The following TARS1 variants were observed in gnomAD, a reference collection of about 807,000 sequenced individuals.
The protein encoded by TARS1 is threonyl-tRNA synthetase 1.
In TARS1, 57 loss-of-function variants were observed where a neutral mutation model predicts 97.7. That is an observed-to-expected ratio of 0.58 (90% CI 0.47 to 0.73). TARS1 has a LOEUF of 0.73. TARS1 is among the 30% of genes least tolerant of loss of function. The pLI, the probability that TARS1 is intolerant of heterozygous loss-of-function variation, is 0.00. For missense variants in TARS1, 806 were observed against 888.3 expected (o/e 0.91, Z 1.18); for synonymous variants, 312 against 293.7 (o/e 1.06, Z -0.64).
chr5:33,449,060 AAATG>A (rs1243761030), intron 3 of TARS1, among the ~76,000 whole-genome samples: 1 of 152,188 alleles, frequency 6.6e-6, no homozygotes, highest in Non-Finnish European at 1.5e-5. Context: ...TTGAAGTTAA[AAATG>A]AAGCTACATA....
Position 33,468,006 on chromosome 5 carries a change from A to G in TARS1, c.*298A>G, listed in dbSNP as rs1194784287. 1 of 248,514 alleles carries G rather than the reference A, an allele frequency of 4.0e-6. No individual in the cohort carries two copies. The highest frequency in any genetic ancestry group is 5.4e-5 in the Admixed American group (1 of 18,650). The allele number at this position is 248,514 out of a possible 1,614,324, so 15.4% of individuals were successfully genotyped here. ...GTGGGAGAACTTTTTTGTAAATTTA[A>G]TGCAATTGAAAAAGTTTTCAAATTC... On this transcript the variant is annotated 3_prime_UTR_variant, in exon 19 of 19. Coordinates refer to ENST00000265112, the MANE Select transcript of TARS1 (RefSeq NM_152295.5).
chr5:33,461,540 G>T (rs925955494), intron 13 of TARS1, 127 bp from the exon 14 acceptor site: 37 of 1,075,350 alleles, frequency 3.4e-5, no homozygotes, highest in Non-Finnish European at 5.0e-5. Context: ...ATATGTTCAG[G>T]TGGACAAAAT....
intron 11 of TARS1, among the ~76,000 whole-genome samples, chr5:33,460,172 A>G (rs995557385): frequency 2.6e-5 from 4 of 151,966 alleles, no homozygotes; most frequent in African/African-American, 9.7e-5. Flanking sequence ...AGGTCTTGCC[A>G]CGTTGCTCAG....
At chr5:33,447,387 C>T (rs1741473822) in intron 2 of TARS1, among the ~76,000 whole-genome samples, 1 of 152,122 alleles carries the variant, frequency 6.6e-6, no homozygotes, top group South Asian at 2.1e-4. Flanking sequence ...GCTGGGACTA[C>T]AGGTGTGCGC....
chr5:33,459,418 TA>T (rs1742184972), intron 10 of TARS1, among the ~76,000 whole-genome samples: 1 of 152,216 alleles, frequency 6.6e-6, no homozygotes, highest in South Asian at 2.1e-4. Flanking sequence ...TTTTGTTATA[TA>T]ACTACCACAA....
In TARS1 at chr5:33,461,211, A is replaced by G; in HGVS notation, c.1467A>G (p.Val489=). The G allele has an allele frequency of 6.2e-7, 1 of 1,614,044 alleles. No individual in the cohort carries two copies. The highest frequency in any genetic ancestry group is 8.5e-7 in the Non-Finnish European group (1 of 1,179,978). The change falls in exon 13 of 19, where the codon GTA becomes GTG. Residue 489 remains valine, a synonymous_variant. Transcript: ENST00000265112. Reference sequence around the variant, plus strand: ...ATTTTCTACGTACGGTATATAGCGTATTTGGATTTTCTTTTAAACTAAACC... The same window carrying G: ...ATTTTCTACGTACGGTATATAGCGTGTTTGGATTTTCTTTTAAACTAAACC... ...CLDFLRTVYS[V]FGFSFKLNLS...
In TARS1 at chr5:33,455,636, A is replaced by C; in HGVS notation, c.625A>C (p.Ile209Leu). Reference sequence around the variant, plus strand: ...TTCTCTGGAGGCTTTGTGTAAGAAAATCATTAAAGAAAAACAAGCTTTTGA... The same window carrying C: ...TTCTCTGGAGGCTTTGTGTAAGAAACTCATTAAAGAAAAACAAGCTTTTGA... ...FSSLEALCKK[I>L]IKEKQAFERL... is the part of the protein sequence containing the mutation. The change falls in exon 6 of 19, where the codon ATC becomes CTC. Residue 209 changes from isoleucine (I) to leucine (L), a missense_variant. Coordinates refer to ENST00000265112, the MANE Select transcript of TARS1 (RefSeq NM_152295.5). 1 of 1,613,162 alleles carries C rather than the reference A, an allele frequency of 6.2e-7. No homozygotes were observed. Among genetic ancestry groups the C allele is most frequent in the Non-Finnish European group, 8.5e-7 (1 of 1,179,374 alleles).
chr5:33,456,230 A>G lies in TARS1; in HGVS notation c.837+3A>G, dbSNP rs1742013212. 1.9e-6 allele frequency: 3 copies of G among 1,605,784 alleles called. No individual in the cohort carries two copies. Among genetic ancestry groups the G allele is most frequent in the Non-Finnish European group, 2.6e-6 (3 of 1,172,870 alleles). ...TTAAGGCTTTAAAAATACACAAAGT[A>G]AGTAATGTAACTTTAAAGACTGTGA... On this transcript the variant is annotated splice_donor_region_variant and intron_variant, in intron 8 of 18. Transcript: ENST00000265112.
chr5:33,441,211 G>A, intron 1 of TARS1, 68 bp downstream of exon 1: 4 of 1,590,744 alleles, frequency 2.5e-6, no homozygotes, highest in Non-Finnish European at 3.4e-6. Context: ...TACGCTCGCG[G>A]CGGGAGCGGG....
At chr5:33,445,481 G>A in intron 2 of TARS1, 77 bp downstream of exon 2, 1 of 1,245,634 alleles carries the variant, frequency 8.0e-7, no homozygotes, top group Non-Finnish European at 1.2e-6. Flanking sequence ...CTTTCCTAAT[G>A]TGTAAGGGTT....
chr5:33,462,230 C>G (rs1742329249), intron 16 of TARS1, 27 bp downstream of exon 16: 2 of 1,580,456 alleles, frequency 1.3e-6, no homozygotes, highest in African/African-American at 1.4e-5. Context: ...TCTTTTTTTT[C>G]TGATTAGTAT....
At chr5:33,458,443 G>T (rs934233188) in intron 9 of TARS1, 123 bp from the exon 10 acceptor site, 14 of 671,556 alleles carry the variant, frequency 2.1e-5, no homozygotes, top group Non-Finnish European at 3.1e-5. Context: ...TTCAGGAGTG[G>T]CACTGATTGA....
At chr5:33,464,468 A>C (rs1742440627) in intron 17 of TARS1, among the ~76,000 whole-genome samples, 1 of 152,234 alleles carries the variant, frequency 6.6e-6, no homozygotes, top group African/African-American at 2.4e-5. Flanking sequence ...GCCATTCATA[A>C]CTTCACTTTA....
At chr5:33,462,621 T>A (rs1391639171) in intron 16 of TARS1, among the ~76,000 whole-genome samples, 3 of 152,224 alleles carry the variant, frequency 2.0e-5, no homozygotes, top group Admixed American at 6.5e-5. Context: ...TATTTGGACA[T>A]GTTTTAAAAG....
At chr5:33,441,313 A>G in intron 1 of TARS1, 170 bp downstream of exon 1, 1 of 686,174 alleles carries the variant, frequency 1.5e-6, no homozygotes, top group Non-Finnish European at 2.5e-6. Context: ...TTTGGGAACC[A>G]TCCATTCATA....
At position 33,455,659 on chromosome 5, in the gene TARS1, T is replaced by A; in HGVS notation, c.648T>A (p.Phe216Leu). ...CKKIIKEKQA[F>L]ERLEVKKETL... ...AAATCATTAAAGAAAAACAAGCTTTTGAAAGACTGGAAGTTAAGAAAGAAA... is the reference window on the plus strand; with the variant it reads ...AAATCATTAAAGAAAAACAAGCTTTAGAAAGACTGGAAGTTAAGAAAGAAA... The change falls in exon 6 of 19, where the codon TTT (phenylalanine) becomes TTA (leucine). Residue 216 changes from phenylalanine (F) to leucine (L), a missense_variant. Phe to Leu is a conservative substitution (Grantham distance 22). Coordinates refer to ENST00000265112, the MANE Select transcript of TARS1 (RefSeq NM_152295.5). The A allele has an allele frequency of 1.2e-6, 2 of 1,613,022 alleles. No individual in the cohort carries two copies. The highest frequency in any genetic ancestry group is 1.7e-6 in the Non-Finnish European group (2 of 1,179,272).
Position 33,457,346 on chromosome 5 carries a change from A to G in TARS1, c.927A>G (p.Lys309=), listed in dbSNP as rs752261024. The G allele has an allele frequency of 1.4e-5, 22 of 1,614,166 alleles. No homozygotes were observed. Among genetic ancestry groups the G allele is most frequent in the African/African-American group, 2.7e-5 (2 of 75,050 alleles). Reference sequence around the variant, plus strand: ...CATTCCCAGATCCTAAAATGTTGAAAGAGTGGGAGAAGTTCCAAGAGGAAG... The same window carrying G: ...CATTCCCAGATCCTAAAATGTTGAAGGAGTGGGAGAAGTTCCAAGAGGAAG... ...GISFPDPKML[K]EWEKFQEEAK... Residue 309 remains lysine, a synonymous_variant, in exon 9 of 19, where the codon AAA becomes AAG. Coordinates refer to ENST00000265112, the MANE Select transcript of TARS1 (RefSeq NM_152295.5).
In TARS1 at chr5:33,467,732, C is replaced by G. The variant is rs1346534959; in HGVS notation, c.*24C>G. The stretch of plus-strand genomic sequence containing the variant: ...AATGAAAAAATTACCCAGATTGGCT[C>G]CATGGAAAAGGAGGAACAGCGTTTC... On this transcript the variant is annotated 3_prime_UTR_variant, in exon 19 of 19. Transcript: ENST00000265112. 2.5e-6 allele frequency: 4 copies of G among 1,599,136 alleles called. No individual in the cohort carries two copies. Among genetic ancestry groups the G allele is most frequent in the Non-Finnish European group, 1.7e-6 (2 of 1,174,102 alleles).
At chr5:33,454,609 G>A (rs1741922011) in intron 4 of TARS1, among the ~76,000 whole-genome samples, 1 of 152,202 alleles carries the variant, frequency 6.6e-6, no homozygotes, top group African/African-American at 2.4e-5. Context: ...AAGAACCTGG[G>A]CCATTGCAAT....
Sources: gnomAD v4.1 joint callset for allele counts (sites outside exome capture counted in the v4.1 genomes callset) on GRCh38, gnomAD v4.1.1 for gene constraint, MANE v1.5 for transcripts, NCBI Gene and HGNC (gene_info 2026-07-23, HGNC 2026-07-21) for gene names.